Variants in CACNA2D1 observed in about 807,000 individuals in gnomAD.
CACNA2D1 encodes the protein voltage-dependent calcium channel subunit alpha-2/delta-1.
In CACNA2D1, 53 loss-of-function variants were observed where a neutral mutation model predicts 171.5. The ratio of observed to expected loss-of-function variants is 0.31; its 90% CI spans 0.25 to 0.39. The LOEUF (loss-of-function observed/expected upper bound fraction) is 0.39. CACNA2D1 is among the 10% of genes least tolerant of loss of function. The pLI is 1.00. For synonymous variants in CACNA2D1, 442 were observed against 443.1 expected, an observed-to-expected ratio of 1.00 and a Z score of 0.03; for missense variants, 903 against 1,299.8, an observed-to-expected ratio of 0.69 and a Z score of 4.69.
rs189982323 is a variant in CACNA2D1, at chr7:82,078,389, A to G, written c.658+6380T>C. 1.9e-3 allele frequency among the ~76,000 whole-genome samples: 283 copies of G among 152,316 alleles called. 2 individuals carry two copies. Among genetic ancestry groups the G allele is most frequent in the African/African-American group, 6.5e-3 (270 of 41,582 alleles). On this transcript the variant is annotated intron_variant, in intron 7 of 38. Coordinates refer to ENST00000356860, the MANE Select transcript of CACNA2D1 (RefSeq NM_000722.4). ...CTGCAACAATTGGTACAATTTCAGG[A>G]GATATTAACAGGTGAAATGACCAGT...
At chr7:82,298,558 TAA>T in intron 3 of CACNA2D1, among the ~76,000 whole-genome samples, 1 of 151,758 alleles carries the variant, frequency 6.6e-6, no homozygotes, top group East Asian at 1.9e-4. Flanking sequence ...AATTTATTTT[TAA>T]AAAGAGTGCA....
At chr7:82,406,205 C>A (rs1189034520) in intron 1 of CACNA2D1, among the ~76,000 whole-genome samples, 3 of 152,124 alleles carry the variant, frequency 2.0e-5, no homozygotes, top group Non-Finnish European at 4.4e-5. Flanking sequence ...CATGTCCCTA[C>A]AAAGTAGGAC....
At position 81,968,881 on chromosome 7, in the gene CACNA2D1, C is replaced by A. The variant is rs752091832; in HGVS notation, c.2395+6G>T. ...TTGTGTTTTTGTATTTAATATTTAT[C>A]CTTACCTGCAGGTTTAAGAAGTTTC... On this transcript the variant is annotated splice_donor_region_variant and intron_variant, in intron 29 of 38. Transcript: ENST00000356860. The A allele has an allele frequency of 7.3e-7, 1 of 1,370,618 alleles. No homozygotes were observed. The highest frequency in any genetic ancestry group is 2.3e-5 in the East Asian group (1 of 43,558). 84.9% of individuals were successfully genotyped at this position (1,370,618 alleles called of 1,614,324 possible).
At chr7:82,031,401 A>G (rs770133330) in intron 12 of CACNA2D1, among the ~76,000 whole-genome samples, 38 of 151,980 alleles carry the variant, frequency 2.5e-4, no homozygotes, top group Non-Finnish European at 4.6e-4. Flanking sequence ...TGAAAGAAAT[A>G]TTCGTAGAAT....
At chr7:82,441,739 T>TA (rs1830518646) in intron 1 of CACNA2D1, among the ~76,000 whole-genome samples, 1 of 152,190 alleles carries the variant, frequency 6.6e-6, no homozygotes, top group Non-Finnish European at 1.5e-5. Context: ...AAAACAACAC[T>TA]GTAAAAATGA....
chr7:82,204,091 A>G (rs550529979), intron 3 of CACNA2D1, among the ~76,000 whole-genome samples: 132 of 152,282 alleles, frequency 8.7e-4, no homozygotes, highest in African/African-American at 3.0e-3. Flanking sequence ...TCCATTCCCT[A>G]TGGGGCATAG....
Position 81,955,642 on chromosome 7 carries a change from T to C in CACNA2D1, c.3159+3633A>G, listed in dbSNP as rs541610451. Among the ~76,000 whole-genome samples the C allele has an allele frequency of 2.6e-5, 4 of 152,040 alleles. No individual in the cohort carries two copies. In the East Asian group the frequency reaches 7.8e-4, roughly 30 times the overall value. ...AGATCAGAAGGATATAGATTATACTTCTACAATTATGAAGCTCCATACCAT... is the reference window on the plus strand; with the variant it reads ...AGATCAGAAGGATATAGATTATACTCCTACAATTATGAAGCTCCATACCAT... On this transcript the variant is annotated intron_variant, in intron 38 of 38. Coordinates refer to ENST00000356860, the MANE Select transcript of CACNA2D1 (RefSeq NM_000722.4).
chr7:82,287,214 T>C (rs1235454009), intron 3 of CACNA2D1, among the ~76,000 whole-genome samples: 2 of 152,168 alleles, frequency 1.3e-5, no homozygotes, highest in African/African-American at 4.8e-5. Context: ...TACAAATATA[T>C]TAGCATGTGG....
In CACNA2D1 at chr7:81,948,237, C is replaced by A. The variant is rs1271553030; in HGVS notation, c.*2155G>T. ...TTAAGATAGTCTAGCAAAAATTGAA[C>A]AATAACTTTTAAATATTTAACAAAC... On this transcript the variant is annotated 3_prime_UTR_variant, in exon 39 of 39. Coordinates refer to ENST00000356860, the MANE Select transcript of CACNA2D1 (RefSeq NM_000722.4). 1 of 151,766 alleles carries A rather than the reference C, an allele frequency of 6.6e-6. No individual in the cohort carries two copies. The highest frequency in any genetic ancestry group is 1.5e-5 in the Non-Finnish European group (1 of 67,794). The allele number at this position is 151,766 out of a possible 1,614,324, so 9.4% of individuals were successfully genotyped here.
intron 14 of CACNA2D1, among the ~76,000 whole-genome samples, chr7:82,012,585 G>A (rs1295231755): frequency 6.6e-6 from 1 of 152,092 alleles, no homozygotes; most frequent in East Asian, 1.9e-4. Flanking sequence ...AAGGCTCTGT[G>A]ATTTACTGCG....
intron 3 of CACNA2D1, among the ~76,000 whole-genome samples, chr7:82,280,004 CTCTTT>C (rs1298146236): frequency 2.0e-5 from 3 of 152,020 alleles, no homozygotes; most frequent in African/African-American, 7.2e-5. Flanking sequence ...TCTATGTCTT[CTCTTT>C]TAAGTGACAA....
At chr7:82,122,402 C>G (rs373585241) in intron 5 of CACNA2D1, among the ~76,000 whole-genome samples, 2 of 152,096 alleles carry the variant, frequency 1.3e-5, no homozygotes, top group African/African-American at 4.8e-5. Flanking sequence ...TGAAATAAAA[C>G]TGATGTAATT....
At chr7:82,060,870 T>C (rs990590282) in intron 9 of CACNA2D1, among the ~76,000 whole-genome samples, 1 of 152,136 alleles carries the variant, frequency 6.6e-6, no homozygotes, top group African/African-American at 2.4e-5. Context: ...GAGAGATTAA[T>C]AGACATAGTC....
intron 7 of CACNA2D1, among the ~76,000 whole-genome samples, chr7:82,082,795 A>C (rs1436912125): frequency 6.6e-6 from 1 of 151,958 alleles, no homozygotes; most frequent in Non-Finnish European, 1.5e-5. Context: ...TTCCAAAATG[A>C]AGTGAACAAA....
chr7:82,141,213 C>T (rs1792345453), intron 4 of CACNA2D1, among the ~76,000 whole-genome samples: 1 of 151,974 alleles, frequency 6.6e-6, no homozygotes, highest in Non-Finnish European at 1.5e-5. Flanking sequence ...TGAGTCACCA[C>T]AATATATCCA....
At chr7:82,037,410 C>T (rs962858540) in intron 11 of CACNA2D1, among the ~76,000 whole-genome samples, 5 of 151,758 alleles carry the variant, frequency 3.3e-5, no homozygotes, top group African/African-American at 7.3e-5. Flanking sequence ...ACCCAGGAAG[C>T]GGAGGTTGCA....
chr7:81,982,086 A>G (rs1796498508), intron 24 of CACNA2D1, among the ~76,000 whole-genome samples: 1 of 152,108 alleles, frequency 6.6e-6, no homozygotes, highest in Non-Finnish European at 1.5e-5. Context: ...GCCTATGTCC[A>G]TCTTATTCCC....
intron 20 of CACNA2D1, among the ~76,000 whole-genome samples, chr7:81,991,905 G>A (rs10272348): frequency 0.017 from 2,640 of 151,376 alleles, 74 homozygotes; most frequent in African/African-American, 0.055. Flanking sequence ...TGTGATCTCG[G>A]CTCACTGCAA....
intron 12 of CACNA2D1, among the ~76,000 whole-genome samples, chr7:82,018,241 G>C (rs1046332424): frequency 1.3e-5 from 2 of 152,146 alleles, no homozygotes; most frequent in Non-Finnish European, 2.9e-5. Flanking sequence ...GGCTTTAAAA[G>C]TTCCAAGATT....
Sources: allele counts gnomAD v4.1 joint callset (sites outside exome capture counted in the v4.1 genomes callset), GRCh38; gene constraint gnomAD v4.1.1; transcripts MANE v1.5; gene names NCBI Gene and HGNC (gene_info 2026-07-23, HGNC 2026-07-21).